The following NRXN3 variants were observed in gnomAD, a reference collection of about 807,000 sequenced individuals.
The protein encoded by NRXN3 is neurexin III.
Under a neutral mutation model 137.6 loss-of-function variants are expected in NRXN3, and 32 were observed. The ratio of observed to expected loss-of-function variants is 0.23; its 90% CI spans 0.18 to 0.31. The LOEUF (loss-of-function observed/expected upper bound fraction) is 0.31, where lower values mean the gene tolerates loss of function less well. Ranked by LOEUF, NRXN3 falls within the 10% of genes least tolerant of loss-of-function variation. NRXN3 has a pLI of 1.00. For missense variants in NRXN3, 1,574 were observed against 2,062.5 expected, an observed-to-expected ratio of 0.76 and a Z score of 4.59; for synonymous variants, 798 against 784.5, an observed-to-expected ratio of 1.02 and a Z score of -0.29.
chr14:79,201,924 G>T (rs944528291), intron 15 of NRXN3, among the ~76,000 whole-genome samples: 9 of 152,174 alleles, frequency 5.9e-5, no homozygotes, highest in Non-Finnish European at 1.5e-5. Context: ...AGGCGAGGAA[G>T]CACGTGAGAA....
chr14:78,903,712 G>A (rs1322066678), intron 10 of NRXN3, among the ~76,000 whole-genome samples: 1 of 151,988 alleles, frequency 6.6e-6, no homozygotes, highest in African/African-American at 2.4e-5. Flanking sequence ...AGAAACTCGT[G>A]TCATACTTAT....
intron 15 of NRXN3, among the ~76,000 whole-genome samples, chr14:79,215,323 TAA>T (rs1417200578): frequency 6.6e-6 from 1 of 152,192 alleles, no homozygotes; most frequent in Non-Finnish European, 1.5e-5. Context: ...TAATATTTAT[TAA>T]ATGATTAAAT....
intron 15 of NRXN3, chr14:79,246,586 CT>C (rs2075223404): frequency 1.3e-5 from 2 of 152,088 alleles, no homozygotes; most frequent in African/African-American, 4.8e-5. Context: ...ACTTCTCTCT[CT>C]TCTCACATCA....
At chr14:79,514,583 C>T (rs1005656469) in intron 16 of NRXN3, among the ~76,000 whole-genome samples, 5 of 151,378 alleles carry the variant, frequency 3.3e-5, no homozygotes, top group Non-Finnish European at 7.4e-5. Flanking sequence ...ATGGGTGCAT[C>T]ATGTTGAGGA....
At chr14:79,853,655 C>A (rs201592894) in intron 20 of NRXN3, 414 of 1,316,712 alleles carry the variant, frequency 3.1e-4, no homozygotes, top group Non-Finnish European at 3.8e-4. Flanking sequence ...ATAGATATGA[C>A]CCTCCCCTTC....
chr14:78,457,580 T>C (rs2094783966), intron 4 of NRXN3, among the ~76,000 whole-genome samples: 1 of 152,106 alleles, frequency 6.6e-6, no homozygotes, highest in African/African-American at 2.4e-5. Context: ...AGTTCTTCAA[T>C]GGAAAGAACA....
chr14:79,523,728 G>A (rs377750025), intron 16 of NRXN3, among the ~76,000 whole-genome samples: 1 of 152,192 alleles, frequency 6.6e-6, no homozygotes, highest in Admixed American at 6.5e-5. Context: ...GGCTCAAGGC[G>A]GAGTTGAGAT....
chr14:78,880,902 A>AT (rs2099127313), intron 10 of NRXN3, among the ~76,000 whole-genome samples: 3 of 152,168 alleles, frequency 2.0e-5, no homozygotes, highest in Non-Finnish European at 2.9e-5. Context: ...CACCCAAATC[A>AT]CATCTTGAAT....
chr14:78,251,418 T>G (rs1423769498), intron 2 of NRXN3, among the ~76,000 whole-genome samples: 2 of 152,248 alleles, frequency 1.3e-5, no homozygotes, highest in African/African-American at 2.4e-5. Context: ...TCTCCACACC[T>G]AATTTTGTAT....
At chr14:78,377,723 T>A (rs2088163300) in intron 4 of NRXN3, among the ~76,000 whole-genome samples, 1 of 152,224 alleles carries the variant, frequency 6.6e-6, no homozygotes, top group South Asian at 2.1e-4. Flanking sequence ...TTCCTTGGTG[T>A]GCCTGCACAT....
At chr14:78,612,276 T>C (rs578044504) in intron 4 of NRXN3, among the ~76,000 whole-genome samples, 1 of 152,320 alleles carries the variant, frequency 6.6e-6, no homozygotes, top group Admixed American at 6.5e-5. Context: ...TCAAGTTTCT[T>C]AGTTCTTTGG....
intron 4 of NRXN3, among the ~76,000 whole-genome samples, chr14:78,318,701 C>T (rs566320700): frequency 8.5e-5 from 13 of 152,192 alleles, no homozygotes; most frequent in Admixed American, 2.6e-4. Context: ...CTGCCTTAGC[C>T]GTCAGTATAA....
chr14:78,701,967 T>C (rs866621009), intron 6 of NRXN3, among the ~76,000 whole-genome samples: 1 of 152,218 alleles, frequency 6.6e-6, no homozygotes, highest in African/African-American at 2.4e-5. Flanking sequence ...AGCCCCAGGT[T>C]GGATGTCAGC....
At chr14:78,691,432 T>G (rs1163820658) in intron 6 of NRXN3, among the ~76,000 whole-genome samples, 1 of 152,202 alleles carries the variant, frequency 6.6e-6, no homozygotes, top group Admixed American at 6.5e-5. Flanking sequence ...AAATAAAAGC[T>G]AAGTGTCTCA....
At chr14:78,970,363 C>A (rs2099432889) in intron 14 of NRXN3, among the ~76,000 whole-genome samples, 1 of 152,028 alleles carries the variant, frequency 6.6e-6, no homozygotes, top group Non-Finnish European at 1.5e-5. Flanking sequence ...AATATTATTT[C>A]AGAATGTAAT....
At chr14:78,388,005 A>G (rs2090222780) in intron 4 of NRXN3, among the ~76,000 whole-genome samples, 1 of 152,164 alleles carries the variant, frequency 6.6e-6, no homozygotes, top group African/African-American at 2.4e-5. Flanking sequence ...TTTACTCTTA[A>G]AGCAGAACTC....
intron 15 of NRXN3, among the ~76,000 whole-genome samples, chr14:79,336,051 C>T: frequency 6.6e-6 from 1 of 152,172 alleles, no homozygotes; most frequent in East Asian, 1.9e-4. Flanking sequence ...TAGGCTTAGA[C>T]TACCTCAAGT....
At chr14:78,733,114 G>T (rs1001086614) in intron 8 of NRXN3, among the ~76,000 whole-genome samples, 1 of 152,058 alleles carries the variant, frequency 6.6e-6, no homozygotes, top group Non-Finnish European at 1.5e-5. Context: ...TTTTGTGTCT[G>T]AACCTCAGAT....
chr14:79,151,967 G>T (rs531640723), intron 15 of NRXN3, among the ~76,000 whole-genome samples: 1 of 151,942 alleles, frequency 6.6e-6, no homozygotes, highest in Admixed American at 6.6e-5. Flanking sequence ...AATAAAATAT[G>T]TAAAGTCATT....
Sources: gnomAD v4.1 joint callset for allele counts (sites outside exome capture counted in the v4.1 genomes callset) on GRCh38, gnomAD v4.1.1 for gene constraint, MANE v1.5 for transcripts, NCBI Gene and HGNC (gene_info 2026-07-23, HGNC 2026-07-21) for gene names.